Variants in NSMCE2 observed in about 807,000 individuals in gnomAD.
NSMCE2 encodes the protein NSE2 SUMO ligase component of SMC5/6 complex.
In NSMCE2, 24 loss-of-function variants were observed where a neutral mutation model predicts 23.8. The observed-to-expected ratio is 1.01, with a 90% CI of 0.73 to 1.42. The LOEUF (loss-of-function observed/expected upper bound fraction) is 1.42. Ranked by LOEUF, NSMCE2 falls within the 40% of genes most tolerant of loss-of-function variation. The pLI is 0.00. For missense variants in NSMCE2, 284 were observed against 296.5 expected (o/e 0.96, Z 0.31); for synonymous variants, 92 against 94.1 (o/e 0.98, Z 0.13).
At chr8:125,226,887 T>A (rs1470519196) in intron 5 of NSMCE2, among the ~76,000 whole-genome samples, 1 of 152,146 alleles carries the variant, frequency 6.6e-6, no homozygotes, top group Non-Finnish European at 1.5e-5. Context: ...TTCATGGCAC[T>A]GCTCTCCAAA....
intron 5 of NSMCE2, among the ~76,000 whole-genome samples, chr8:125,249,588 A>T (rs1007537204): frequency 3.9e-5 from 6 of 152,170 alleles, no homozygotes; most frequent in Non-Finnish European, 7.4e-5. Flanking sequence ...TCACCAACAT[A>T]CATTTTTAGA....
intron 5 of NSMCE2, among the ~76,000 whole-genome samples, chr8:125,249,613 A>G (rs1371700087): frequency 6.6e-6 from 1 of 152,174 alleles, no homozygotes; most frequent in Non-Finnish European, 1.5e-5. Context: ...GTTTTTCTCC[A>G]TTTGTGACTA....
intron 4 of NSMCE2, among the ~76,000 whole-genome samples, chr8:125,179,899 T>C (rs1252252613): frequency 6.6e-6 from 1 of 152,220 alleles, no homozygotes; most frequent in Non-Finnish European, 1.5e-5. Flanking sequence ...ATTTTACTTA[T>C]TATCTGCTTA....
At chr8:125,287,976 A>G (rs1273910891) in intron 5 of NSMCE2, among the ~76,000 whole-genome samples, 2 of 151,982 alleles carry the variant, frequency 1.3e-5, no homozygotes, top group Non-Finnish European at 2.9e-5. Context: ...ACACCTAAAT[A>G]TAACTTTTTA....
intron 5 of NSMCE2, among the ~76,000 whole-genome samples, chr8:125,226,468 G>C (rs1825098881): frequency 6.6e-6 from 1 of 152,108 alleles, no homozygotes; most frequent in Non-Finnish European, 1.5e-5. Flanking sequence ...GTGTACAGCT[G>C]CTCTTCTTGC....
chr8:125,240,148 C>T (rs1297514298), intron 5 of NSMCE2, among the ~76,000 whole-genome samples: 1 of 144,034 alleles, frequency 6.9e-6, no homozygotes, highest in Non-Finnish European at 1.5e-5. Context: ...TTTTTTGAGA[C>T]GGAGTCTTGC....
intron 4 of NSMCE2, among the ~76,000 whole-genome samples, chr8:125,164,251 G>T (rs1821762889): frequency 6.6e-6 from 1 of 152,184 alleles, no homozygotes; most frequent in Non-Finnish European, 1.5e-5. Flanking sequence ...TGTTGACTCT[G>T]AGCCTCAAGA....
chr8:125,349,008 AAAACAC>A (rs1476641844), intron 5 of NSMCE2: 5 of 118,922 alleles, frequency 4.2e-5, no homozygotes, highest in Non-Finnish European at 8.4e-5. Context: ...ATCTCAAAGC[AAAACAC>A]ACACACACAC....
intron 7 of NSMCE2, 142 bp from the exon 8 acceptor site, chr8:125,366,626 A>G: frequency 1.6e-6 from 1 of 640,796 alleles, no homozygotes; most frequent in Non-Finnish European, 2.8e-6. Context: ...GACTCAGTGA[A>G]TAAATGAATG....
chr8:125,171,068 A>G (rs962268771), intron 4 of NSMCE2, among the ~76,000 whole-genome samples: 6 of 152,100 alleles, frequency 3.9e-5, no homozygotes, highest in Non-Finnish European at 5.9e-5. Flanking sequence ...GACTCCAACT[A>G]TATGGCTCAC....
intron 3 of NSMCE2, among the ~76,000 whole-genome samples, chr8:125,142,585 C>T (rs1389132274): frequency 1.3e-5 from 2 of 151,656 alleles, no homozygotes; most frequent in South Asian, 2.1e-4. Flanking sequence ...TTCTAGTGGG[C>T]GGCAGTTATA....
chr8:125,188,911 A>G (rs555708121), intron 5 of NSMCE2, among the ~76,000 whole-genome samples: 1 of 152,182 alleles, frequency 6.6e-6, no homozygotes, highest in East Asian at 1.9e-4. Flanking sequence ...AAGACTAGTG[A>G]TTGGAAAGGT....
chr8:125,102,297 C>T lies in NSMCE2; in HGVS notation c.-14-20C>T. Reference sequence around the variant, plus strand: ...TTATTCTGACTTACGAATCTTGTTTCATTGTGTTTGAAAACTTAGGTACTA... The same window carrying T: ...TTATTCTGACTTACGAATCTTGTTTTATTGTGTTTGAAAACTTAGGTACTA... On this transcript the variant is annotated intron_variant, in intron 2 of 7. Transcript: ENST00000287437. The T allele has an allele frequency of 6.4e-7, 1 of 1,567,638 alleles. No individual in the cohort carries two copies. The highest frequency in any genetic ancestry group is 8.8e-7 in the Non-Finnish European group (1 of 1,140,132).
At chr8:125,248,595 G>A (rs1338624657) in intron 5 of NSMCE2, among the ~76,000 whole-genome samples, 2 of 152,080 alleles carry the variant, frequency 1.3e-5, no homozygotes, top group Non-Finnish European at 2.9e-5. Context: ...GGAGGTTGCA[G>A]TGAGCTGAGA....
chr8:125,337,472 G>A (rs143216843), intron 5 of NSMCE2, among the ~76,000 whole-genome samples: 1,938 of 152,304 alleles, frequency 0.013, 13 homozygotes, highest in Middle Eastern at 0.024. Context: ...ATTGGTCATA[G>A]TGAAACATGT....
intron 4 of NSMCE2, among the ~76,000 whole-genome samples, chr8:125,166,378 C>T (rs760018660): frequency 5.9e-5 from 9 of 151,914 alleles, no homozygotes; most frequent in South Asian, 4.1e-4. Flanking sequence ...GAGATTCTTG[C>T]GCCTCAGCCT....
chr8:125,357,877 C>G (rs868656201), intron 7 of NSMCE2, 59 bp downstream of exon 7: 1 of 1,167,256 alleles, frequency 8.6e-7, no homozygotes, highest in African/African-American at 1.5e-5. Context: ...TCAGAGGTGG[C>G]GTGTTCACGC....
At chr8:125,133,461 C>T (rs112058855) in intron 3 of NSMCE2, among the ~76,000 whole-genome samples, 3,646 of 152,064 alleles carry the variant, frequency 0.024, 71 homozygotes, top group Non-Finnish European at 0.04. Flanking sequence ...TAAATTCAGC[C>T]GGGTGTGGTG....
chr8:125,194,974 T>C (rs1226716947), intron 5 of NSMCE2, among the ~76,000 whole-genome samples: 3 of 152,202 alleles, frequency 2.0e-5, no homozygotes, highest in Non-Finnish European at 4.4e-5. Flanking sequence ...ATAGGTGACC[T>C]GTAGCAATGG....
Sources: allele counts gnomAD v4.1 joint callset (sites outside exome capture counted in the v4.1 genomes callset), GRCh38; gene constraint gnomAD v4.1.1; transcripts MANE v1.5; gene names NCBI Gene and HGNC (gene_info 2026-07-23, HGNC 2026-07-21).